Variants in RGS7 observed in about 807,000 individuals in gnomAD.
RGS7 encodes the protein regulator of G-protein signaling 7.
RGS7 carries 27 observed loss-of-function variants against 81.1 expected under a neutral mutation model. The observed-to-expected ratio is 0.33, with a 90% CI of 0.25 to 0.46. RGS7 has a LOEUF of 0.46. Among genes scored for constraint, RGS7 ranks in the 20% least tolerant of loss-of-function variants. RGS7 has a pLI of 1.00. For missense variants in RGS7, 396 were observed against 607.4 expected (o/e 0.65, Z 3.66); for synonymous variants, 208 against 207.7 (o/e 1.00, Z -0.01).
At chr1:241,207,337 A>C (rs997579610) in intron 2 of RGS7, among the ~76,000 whole-genome samples, 3 of 150,996 alleles carry the variant, frequency 2.0e-5, no homozygotes, top group Non-Finnish European at 4.4e-5. Flanking sequence ...TGGAGTATGC[A>C]CTTTAAAATG....
chr1:241,181,082 G>C (rs568571357), intron 2 of RGS7, among the ~76,000 whole-genome samples: 6 of 152,346 alleles, frequency 3.9e-5, no homozygotes, highest in Non-Finnish European at 5.9e-5. Context: ...GCAGAGCACA[G>C]AGGATTTTTA....
rs183227607 is a variant in RGS7 at position 241,330,153 on chromosome 1, A to G, written c.78+25546T>C. Among the ~76,000 whole-genome samples, 1,034 of 152,092 alleles carry G rather than the reference A, an allele frequency of 6.8e-3. 9 individuals carry two copies. The highest frequency in any genetic ancestry group is 0.01 in the Middle Eastern group (3 of 294). Reference sequence around the variant, plus strand: ...ACGGGGTTTCACTGTGTTAGCCAGGATGGTCTCGATCTCCTGACCTCGTGA... The same window carrying G: ...ACGGGGTTTCACTGTGTTAGCCAGGGTGGTCTCGATCTCCTGACCTCGTGA... On this transcript the variant is annotated intron_variant, in intron 2 of 18. Transcript: ENST00000440928.
At chr1:241,306,811 GCA>G (rs752632087) in intron 2 of RGS7, among the ~76,000 whole-genome samples, 3 of 151,772 alleles carry the variant, frequency 2.0e-5, no homozygotes, top group Non-Finnish European at 4.4e-5. Flanking sequence ...CCTCCTGTGT[GCA>G]CACACATACA....
At chr1:241,307,100 T>C (rs1300323942) in intron 2 of RGS7, among the ~76,000 whole-genome samples, 2 of 152,232 alleles carry the variant, frequency 1.3e-5, no homozygotes, top group African/African-American at 4.8e-5. Context: ...TTAGATATTT[T>C]TCCAGCTTTT....
At chr1:241,072,657 A>G (rs2062545313) in intron 3 of RGS7, among the ~76,000 whole-genome samples, 1 of 152,140 alleles carries the variant, frequency 6.6e-6, no homozygotes, top group African/African-American at 2.4e-5. Flanking sequence ...GAGACCCTGA[A>G]GAAGTATATG....
chr1:240,996,847 G>T (rs79361405), intron 3 of RGS7, among the ~76,000 whole-genome samples: 2 of 151,836 alleles, frequency 1.3e-5, no homozygotes, highest in African/African-American at 4.8e-5. Context: ...TTACTGATAG[G>T]GCTTAAGTAT....
intron 4 of RGS7, among the ~76,000 whole-genome samples, chr1:240,958,943 T>C (rs756142415): frequency 6.6e-6 from 1 of 152,238 alleles, no homozygotes; most frequent in Non-Finnish European, 1.5e-5. Context: ...CATAAAGATC[T>C]TGAAAGACAG....
intron 2 of RGS7, among the ~76,000 whole-genome samples, chr1:241,142,792 C>T (rs915147764): frequency 5.9e-5 from 9 of 152,202 alleles, no homozygotes; most frequent in African/African-American, 2.2e-4. Flanking sequence ...ATGCAGCCAG[C>T]TTGATTTTCT....
intron 3 of RGS7, among the ~76,000 whole-genome samples, chr1:241,057,538 G>A (rs2061532367): frequency 6.6e-6 from 1 of 151,958 alleles, no homozygotes; most frequent in South Asian, 2.1e-4. Context: ...GGTGGAGATG[G>A]TTTGAATCTA....
intron 10 of RGS7, chr1:240,823,395 C>T (rs1692169218): frequency 2.3e-6 from 1 of 428,218 alleles, no homozygotes; most frequent in Non-Finnish European, 4.5e-6. Flanking sequence ...CGAAGCCCCG[C>T]ACCACTTGGG....
intron 3 of RGS7, among the ~76,000 whole-genome samples, chr1:241,055,303 T>C (rs1317860481): frequency 2.0e-5 from 3 of 152,072 alleles, no homozygotes; most frequent in African/African-American, 7.3e-5. Flanking sequence ...AAGCATCAGG[T>C]TGTGACTTGG....
rs566037886 is a variant in RGS7, at chr1:240,835,371, G to A, written c.610-8199C>T. On this transcript the variant is annotated intron_variant, in intron 9 of 18. Coordinates refer to ENST00000440928, the MANE Select transcript of RGS7 (RefSeq NM_001364886.1). ...CCACATCGTATGTCATTGGGAAAAC[G>A]CAAATTGAAATAACGAGATACCACT... Among the ~76,000 whole-genome samples, 12 of 152,140 alleles carry A rather than the reference G, an allele frequency of 7.9e-5. 1 individual carries two copies. The highest frequency in any genetic ancestry group is 1.9e-4 in the African/African-American group (8 of 41,448).
intron 3 of RGS7, among the ~76,000 whole-genome samples, chr1:241,016,382 G>A (rs763333737): frequency 6.6e-6 from 1 of 152,080 alleles, no homozygotes; most frequent in Non-Finnish European, 1.5e-5. Flanking sequence ...GCTGGGTGTG[G>A]CGGCATGCAC....
chr1:241,280,685 G>C (rs1253828049), intron 2 of RGS7, among the ~76,000 whole-genome samples: 5 of 152,162 alleles, frequency 3.3e-5, no homozygotes, highest in Non-Finnish European at 5.9e-5. Context: ...TTGTTTGATA[G>C]AGACAGGATT....
chr1:240,823,382 G>A, intron 10 of RGS7: 3 of 449,384 alleles, frequency 6.7e-6, no homozygotes, highest in East Asian at 5.2e-5. Context: ...CTGGAGCCAC[G>A]GCCGAAGCCC....
chr1:241,261,138 A>G (rs1042457671), intron 2 of RGS7, among the ~76,000 whole-genome samples: 1 of 152,182 alleles, frequency 6.6e-6, no homozygotes, highest in African/African-American at 2.4e-5. Flanking sequence ...AGTGTTTTTA[A>G]CAAAAGGCTT....
At chr1:241,289,802 TA>T (rs1221832863) in intron 2 of RGS7, among the ~76,000 whole-genome samples, 1 of 151,892 alleles carries the variant, frequency 6.6e-6, no homozygotes, top group African/African-American at 2.4e-5. Flanking sequence ...TGGGAAGTGG[TA>T]CGAGGGAAGA....
At position 241,199,420 on chromosome 1, in the gene RGS7, C is replaced by CA. The variant is rs965863690; in HGVS notation, c.79-100659dup. Among the ~76,000 whole-genome samples the CA allele has an allele frequency of 6.2e-3, 879 of 140,734 alleles. 5 individuals are homozygous for CA. Among genetic ancestry groups the CA allele is most frequent in the Middle Eastern group, 0.011 (3 of 276 alleles). 92.3% of individuals were successfully genotyped at this position (140,734 alleles called of 152,430 possible). ...GCCTGGTGACAGAGTGAGACTGTCT[C>CA]AAAAAAAAAAGGACTTTATTTATTT... On this transcript the variant is annotated intron_variant, in intron 2 of 18. Transcript: ENST00000440928.
intron 6 of RGS7, among the ~76,000 whole-genome samples, chr1:240,875,072 A>C (rs1372471077): frequency 1.3e-5 from 2 of 151,798 alleles, no homozygotes; most frequent in African/African-American, 4.8e-5. Flanking sequence ...AAAAAACAAA[A>C]AACTACTCTC....
Sources: gnomAD v4.1 joint callset for allele counts (sites outside exome capture counted in the v4.1 genomes callset) on GRCh38, gnomAD v4.1.1 for gene constraint, MANE v1.5 for transcripts, NCBI Gene and HGNC (gene_info 2026-07-23, HGNC 2026-07-21) for gene names.